RNF17: variants seen among roughly 807,000 people sequenced by gnomAD.
RNF17 encodes ring finger protein 17, also known as spermatogenesis associated 23.
RNF17 carries 31 observed loss-of-function variants against 200.5 expected under a neutral mutation model. That is an observed-to-expected ratio of 0.15 (90% CI 0.12 to 0.21). The LOEUF (loss-of-function observed/expected upper bound fraction) is 0.21, where lower values mean the gene tolerates loss of function less well. RNF17 is among the 10% of genes least tolerant of loss of function. The probability of loss-of-function intolerance (pLI) is 1.00; values close to 1 mark genes in which losing one functional copy is unlikely to be tolerated. For synonymous variants in RNF17, 606 were observed against 637.8 expected, an observed-to-expected ratio of 0.95 and a Z score of 0.75; for missense variants, 1,628 against 1,905.1, an observed-to-expected ratio of 0.85 and a Z score of 2.71.
chr13:24,794,132 C>G (rs1454016716), intron 10 of RNF17: 2 of 441,888 alleles, frequency 4.5e-6, no homozygotes, highest in Non-Finnish European at 9.0e-6. Context: ...TACAAGTTGT[C>G]TTTATTTCTT....
intron 1 of RNF17, among the ~76,000 whole-genome samples, chr13:24,764,895 GTGT>G (rs1566106174): frequency 5.4e-5 from 2 of 36,942 alleles, no homozygotes; most frequent in African/African-American, 1.7e-4. Context: ...TGGGGTGTGT[GTGT>G]GTGTGTGTGT....
rs368689047 is a variant in RNF17, at chr13:24,844,737, A to G, written c.2917A>G (p.Ile973Val). Residue 973 changes from isoleucine (I) to valine (V), a missense_variant, in exon 21 of 36, where the codon ATC (isoleucine) becomes GTC (valine). Around this residue, in one of 5 missense-constraint regions of RNF17, gnomAD observed 227 missense variants for 319.8 expected, o/e 0.71. Coordinates refer to ENST00000255324, the MANE Select transcript of RNF17 (RefSeq NM_031277.3). ...WENDMHCAVKIQDKNQWRRGQ... is the reference protein window; with the variant it reads ...WENDMHCAVKVQDKNQWRRGQ... Reference sequence around the variant, plus strand: ...AAATGATATGCACTGTGCTGTTAAGATCCAAGATAAAAATCAGTGGCGAAG... The same window carrying G: ...AAATGATATGCACTGTGCTGTTAAGGTCCAAGATAAAAATCAGTGGCGAAG... 1.9e-6 allele frequency: 3 copies of G among 1,613,564 alleles called. No individual in the cohort carries two copies. Among genetic ancestry groups the G allele is most frequent in the African/African-American group, 2.7e-5 (2 of 74,922 alleles).
chr13:24,798,300 T>C (rs1350740714), intron 11 of RNF17, among the ~76,000 whole-genome samples: 3 of 152,180 alleles, frequency 2.0e-5, no homozygotes, highest in African/African-American at 7.2e-5. Flanking sequence ...TCACAGTTTC[T>C]AAGAATGTAT....
In RNF17 at chr13:24,853,846, A is replaced by T. The variant is rs1400222501; in HGVS notation, c.3321-9A>T. On this transcript the variant is annotated splice_polypyrimidine_tract_variant and intron_variant, in intron 24 of 35. Transcript: ENST00000255324. ...TATGTTTAGATGTGTTCTTTTTTGG[A>T]TGTTACAGAATTAATAACTTAGATA... 3.8e-6 allele frequency: 6 copies of T among 1,576,300 alleles called. No homozygotes were observed. The highest frequency in any genetic ancestry group is 3.5e-5 in the South Asian group (3 of 85,136).
rs868094678 is a variant in RNF17 at position 24,808,523 on chromosome 13, A to T, written c.2091+4094A>T. ...TCCTGAGACTTTGCTGAAGTTGCAT[A>T]TCAGCTTAAGGAGATTTTGGGCTGA... On this transcript the variant is annotated intron_variant, in intron 15 of 35. Transcript: ENST00000255324. 1.1e-3 allele frequency among the ~76,000 whole-genome samples: 115 copies of T among 108,106 alleles called. 1 individual carries two copies. Among genetic ancestry groups the T allele is most frequent in the African/African-American group, 4.1e-3 (109 of 26,346 alleles). The allele number at this position is 108,106 out of a possible 152,430, so 70.9% of individuals were successfully genotyped here.
intron 11 of RNF17, among the ~76,000 whole-genome samples, chr13:24,799,159 G>A (rs1884954565): frequency 6.6e-6 from 1 of 152,090 alleles, no homozygotes; most frequent in Non-Finnish European, 1.5e-5. Context: ...TTGTCATTAA[G>A]TGACTGCTAA....
At chr13:24,836,112 A>G (rs1350971358) in intron 18 of RNF17, among the ~76,000 whole-genome samples, 1 of 152,234 alleles carries the variant, frequency 6.6e-6, no homozygotes. Context: ...ACAAGGAAAA[A>G]AGAAAATATG....
chr13:24,868,803 A>G (rs1488077085), intron 31 of RNF17, 87 bp downstream of exon 31: 6 of 741,056 alleles, frequency 8.1e-6, no homozygotes, highest in African/African-American at 3.6e-5. Flanking sequence ...TCACTTCTCT[A>G]TTTTCCTGAT....
intron 15 of RNF17, among the ~76,000 whole-genome samples, chr13:24,805,597 C>T (rs1333136116): frequency 6.6e-6 from 1 of 152,178 alleles, no homozygotes; most frequent in East Asian, 1.9e-4. Flanking sequence ...ATCCATTCAT[C>T]TATTGATGGC....
intron 24 of RNF17, among the ~76,000 whole-genome samples, chr13:24,853,017 G>T (rs141118122): frequency 6.6e-6 from 1 of 152,166 alleles, no homozygotes. Context: ...GGGTTCAAGC[G>T]ATTCTCGCAC....
rs546979374 is a variant in RNF17, at chr13:24,869,484, G to A, written c.4278+768G>A. 4.6e-5 allele frequency among the ~76,000 whole-genome samples: 7 copies of A among 152,324 alleles called. No homozygotes were observed. The South Asian group carries it at 8.3e-4, about 18-fold the overall frequency. ...TAATACAAACACACATGAGGGTCAG[G>A]AATCTGGGAGCTGCTGAGTTAAGCA... On this transcript the variant is annotated intron_variant, in intron 31 of 35. Coordinates refer to ENST00000255324, the MANE Select transcript of RNF17 (RefSeq NM_031277.3).
At chr13:24,881,697 T>A (rs1316764138), downstream of RNF17, among the ~76,000 whole-genome samples, 1 of 149,734 alleles carries the variant, frequency 6.7e-6, no homozygotes, top group African/African-American at 2.4e-5. Flanking sequence ...GATATCTATA[T>A]AGATTATCTA....
Position 24,796,137 on chromosome 13 carries a change from G to T in RNF17, c.1241G>T (p.Ser414Ile). The T allele has an allele frequency of 6.3e-7, 1 of 1,599,146 alleles. No homozygotes were observed. Among genetic ancestry groups the T allele is most frequent in the Non-Finnish European group, 8.5e-7 (1 of 1,173,172 alleles). Residue 414 changes from serine to isoleucine, a missense_variant and splice_region_variant, in exon 11 of 36, where the codon AGT becomes ATT. By Grantham distance (142) the Ser-to-Ile change is moderately radical. This residue lies in a region of RNF17 where 502 missense variants were observed against 501.7 expected (regional missense o/e 1.00). Transcript: ENST00000255324. ...IEEIIEDNVE[S>I]SAELVFVSHV... is the part of the protein sequence containing the mutation. Reference sequence around the variant, plus strand: ...ATGTGACTTAAACATTTTTATCCAGGTTCTGCAGAGCTAGTTTTTGTAAGC... The same window carrying T: ...ATGTGACTTAAACATTTTTATCCAGTTTCTGCAGAGCTAGTTTTTGTAAGC...
At chr13:24,852,375 T>G (rs1892029122) in intron 24 of RNF17, among the ~76,000 whole-genome samples, 1 of 152,106 alleles carries the variant, frequency 6.6e-6, no homozygotes, top group African/African-American at 2.4e-5. Flanking sequence ...CCTGACCTCG[T>G]GATCTGCCCG....
At chr13:24,807,794 C>A (rs1441437469) in intron 15 of RNF17, among the ~76,000 whole-genome samples, 1 of 151,976 alleles carries the variant, frequency 6.6e-6, no homozygotes, top group East Asian at 1.9e-4. Context: ...ACGTTTAAGT[C>A]TTTAATCCAT....
the RNF17 span, among the ~76,000 whole-genome samples, chr13:24,886,742 A>C: frequency 6.6e-6 from 1 of 152,242 alleles, no homozygotes; most frequent in African/African-American, 2.4e-5. Flanking sequence ...AACCACCTTT[A>C]GAGAAAAGAC....
chr13:24,876,882 C>CA (rs1894918026), intron 33 of RNF17, 115 bp from the exon 34 acceptor site: 6 of 815,500 alleles, frequency 7.4e-6, no homozygotes, highest in East Asian at 2.9e-5. Flanking sequence ...GTGTCGTATC[C>CA]AAAAAAATCA....
At chr13:24,844,919 A>G in intron 21 of RNF17, 42 bp from the exon 22 acceptor site, 1 of 1,558,236 alleles carries the variant, frequency 6.4e-7, no homozygotes, top group Non-Finnish European at 8.8e-7. Flanking sequence ...AAATATTTCG[A>G]AATGTTGTTT....
At chr13:24,887,194 A>G in the RNF17 span, among the ~76,000 whole-genome samples, 1 of 152,224 alleles carries the variant, frequency 6.6e-6, no homozygotes, top group Non-Finnish European at 1.5e-5. Context: ...AGGTTCATCA[A>G]AAGATACTAT....
Sources: allele counts gnomAD v4.1 joint callset (sites outside exome capture counted in the v4.1 genomes callset), GRCh38; gene constraint gnomAD v4.1.1; regional missense constraint gnomAD v4.1.1; transcripts MANE v1.5; gene names NCBI Gene and HGNC (gene_info 2026-07-23, HGNC 2026-07-21).